Variants in ANKRD30B observed in about 807,000 individuals in gnomAD.
ANKRD30B encodes ankyrin repeat domain-containing protein 30B.
Under a neutral mutation model 202.2 loss-of-function variants are expected in ANKRD30B, and 144 were observed. The ratio of observed to expected loss-of-function variants is 0.71; its 90% CI spans 0.62 to 0.82. The LOEUF (loss-of-function observed/expected upper bound fraction) is 0.82, where lower values mean the gene tolerates loss of function less well. Among genes scored for constraint, ANKRD30B ranks in the 40% least tolerant of loss-of-function variants. ANKRD30B has a pLI of 0.00. For missense variants in ANKRD30B, 1,487 were observed against 1,669.1 expected, an observed-to-expected ratio of 0.89 and a Z score of 1.90; for synonymous variants, 508 against 561.3, an observed-to-expected ratio of 0.91 and a Z score of 1.34.
At chr18:14,833,794 C>G (rs1217127541) in intron 34 of ANKRD30B, among the ~76,000 whole-genome samples, 1 of 152,162 alleles carries the variant, frequency 6.6e-6, no homozygotes, top group African/African-American at 2.4e-5. Context: ...TTCTCCTTTT[C>G]TTTCACGACT....
chr18:14,790,415 T>G (rs1425984736), intron 15 of ANKRD30B, among the ~76,000 whole-genome samples: 2 of 152,180 alleles, frequency 1.3e-5, no homozygotes, highest in Admixed American at 1.3e-4. Flanking sequence ...GGCCAGAACT[T>G]ACAACACTAT....
At chr18:14,860,135 C>T in the ANKRD30B span, among the ~76,000 whole-genome samples, 68 of 145,880 alleles carry the variant, frequency 4.7e-4, no homozygotes, top group African/African-American at 1.4e-3. Context: ...TGGGCAGAGG[C>T]GCTCCTCACT....
chr18:14,855,412 G>A (rs1972053661), downstream of ANKRD30B, among the ~76,000 whole-genome samples: 1 of 152,210 alleles, frequency 6.6e-6, no homozygotes, highest in South Asian at 2.1e-4. Context: ...TCCCGATGGT[G>A]GCTGTCTCTT....
At chr18:14,896,948 G>A in the ANKRD30B span, among the ~76,000 whole-genome samples, 10 of 145,114 alleles carry the variant, frequency 6.9e-5, no homozygotes, top group Non-Finnish European at 1.3e-4. Flanking sequence ...GTGCTACCTA[G>A]CAGTATATGC....
the ANKRD30B span, among the ~76,000 whole-genome samples, chr18:14,885,126 A>G: frequency 1.3e-5 from 2 of 152,116 alleles, no homozygotes; most frequent in Non-Finnish European, 2.9e-5. Context: ...ATCCATTTCG[A>G]TATATCAGTG....
rs566148481 is a variant in ANKRD30B, at chr18:14,805,807, G to A, written c.2284+1983G>A. ...ATCACTTATCTCCTCATCACTCAGC[G>A]TATACATATTGGCATTAACATTTTT... On this transcript the variant is annotated intron_variant, in intron 24 of 43. Transcript: ENST00000690538. Among the ~76,000 whole-genome samples the A allele has an allele frequency of 6.0e-5, 9 of 150,066 alleles. 1 individual carries two copies. Among genetic ancestry groups the A allele is most frequent in the South Asian group, 4.2e-4 (2 of 4,716 alleles).
chr18:14,885,931 T>C, the ANKRD30B span, among the ~76,000 whole-genome samples: 1 of 152,054 alleles, frequency 6.6e-6, no homozygotes, highest in Non-Finnish European at 1.5e-5. Context: ...TAATTTTATC[T>C]TTCAAAGAAC....
At chr18:14,872,785 G>A in the ANKRD30B span, among the ~76,000 whole-genome samples, 1 of 152,136 alleles carries the variant, frequency 6.6e-6, no homozygotes, top group African/African-American at 2.4e-5. Context: ...ACATGAGACT[G>A]TGCAGGAGTC....
chr18:14,854,001 A>G (rs1377122633), intron 43 of ANKRD30B, among the ~76,000 whole-genome samples, 58 bp downstream of exon 43: 1 of 152,230 alleles, frequency 6.6e-6, no homozygotes, highest in African/African-American at 2.4e-5. Context: ...GTGTGTGTTA[A>G]ATGTAACATG....
intron 15 of ANKRD30B, among the ~76,000 whole-genome samples, chr18:14,790,960 C>G (rs535816114): frequency 6.6e-6 from 1 of 152,210 alleles, no homozygotes; most frequent in Non-Finnish European, 1.5e-5. Context: ...AGTTTCAGAA[C>G]GAATGGTACC....
chr18:14,890,175 T>A, the ANKRD30B span: 1 of 647,976 alleles, frequency 1.5e-6, no homozygotes, highest in South Asian at 1.8e-5. Flanking sequence ...CTTATTTCTG[T>A]TTTAATCGGA....
intron 33 of ANKRD30B, among the ~76,000 whole-genome samples, chr18:14,829,454 G>T (rs1805211275): frequency 2.0e-5 from 3 of 152,188 alleles, no homozygotes; most frequent in Middle Eastern, 6.8e-3. Context: ...AAAGAATAAT[G>T]GAATTAGCTG....
rs1292025352 is a variant in ANKRD30B, at chr18:14,796,389, T to A, written c.1901T>A (p.Leu634Ter). 10 of 1,559,682 alleles carry A rather than the reference T, an allele frequency of 6.4e-6. No individual in the cohort carries two copies. Among genetic ancestry groups the A allele is most frequent in the East Asian group, 4.8e-5 (2 of 41,618 alleles). ...TCTCTTCCAAATAAAGCCTTAGAAT[T>A]AAAGGACAGAGAAACATTCAAAGCA... ...KVSLPNKALE[L>*]KDRETFKAES... Residue 634 changes from leucine to a stop codon, truncating the protein, a stop_gained, in exon 18 of 44, where the codon TTA becomes TAA. Transcript: ENST00000690538. LOFTEE classifies it high-confidence loss of function.
chr18:14,753,271 G>T (rs1913761070), intron 3 of ANKRD30B, among the ~76,000 whole-genome samples: 1 of 151,176 alleles, frequency 6.6e-6, no homozygotes, highest in South Asian at 2.1e-4. Context: ...CCTACCCAAG[G>T]TTTTTTTTTC....
the ANKRD30B span, among the ~76,000 whole-genome samples, chr18:14,934,186 G>A: frequency 2.0e-5 from 3 of 152,224 alleles, no homozygotes; most frequent in Non-Finnish European, 2.9e-5. Flanking sequence ...GGCTGGCTCC[G>A]CCAGGCTTGG....
chr18:14,768,407 A>T (rs1255011346), intron 7 of ANKRD30B, among the ~76,000 whole-genome samples: 10 of 152,166 alleles, frequency 6.6e-5, no homozygotes, highest in Non-Finnish European at 1.2e-4. Context: ...ACGTTAATCA[A>T]ACCCAAAGAG....
chr18:14,768,391 T>C (rs1340008214), intron 7 of ANKRD30B, among the ~76,000 whole-genome samples: 1 of 152,088 alleles, frequency 6.6e-6, no homozygotes, highest in Non-Finnish European at 1.5e-5. Context: ...TTTGGGGCAC[T>C]CTAGTACGTT....
At chr18:14,768,959 G>A (rs972113475) in intron 7 of ANKRD30B, among the ~76,000 whole-genome samples, 1 of 152,142 alleles carries the variant, frequency 6.6e-6, no homozygotes, top group Non-Finnish European at 1.5e-5. Context: ...TAAAGGAGGG[G>A]AAAAGTGTTC....
Position 14,768,496 on chromosome 18 carries a change from A to G in ANKRD30B, c.1226-847A>G, listed in dbSNP as rs371060475. Among the ~76,000 whole-genome samples the G allele has an allele frequency of 7.9e-4, 121 of 152,326 alleles. 1 individual carries two copies. The highest frequency in any genetic ancestry group is 3.4e-3 in the Middle Eastern group (1 of 292). ...ACATTTGCAACTGATGTGGGAGGGC[A>G]GTCTTGTGAGACTGAGCCCTCAGCC... On this transcript the variant is annotated intron_variant, in intron 7 of 43. Coordinates refer to ENST00000690538, the MANE Select transcript of ANKRD30B (RefSeq NM_001367607.2).
Sources: gnomAD v4.1 joint callset for allele counts (sites outside exome capture counted in the v4.1 genomes callset) on GRCh38, gnomAD v4.1.1 for gene constraint, MANE v1.5 for transcripts, NCBI Gene and HGNC (gene_info 2026-07-23, HGNC 2026-07-21) for gene names.